AOPEP: variants seen among roughly 807,000 people sequenced by gnomAD.
AOPEP encodes the protein aminopeptidase O (putative), also known as aminopeptidase O.
AOPEP carries 77 observed loss-of-function variants against 98.1 expected under a neutral mutation model. The observed-to-expected ratio is 0.78, with a 90% CI of 0.65 to 0.95. The LOEUF (loss-of-function observed/expected upper bound fraction) is 0.95, where lower values mean the gene tolerates loss of function less well. AOPEP is among the 40% of genes least tolerant of loss of function. The probability of loss-of-function intolerance (pLI) is 0.00; values close to 1 mark genes in which losing one functional copy is unlikely to be tolerated. For missense variants in AOPEP, 1,024 were observed against 1,024.7 expected, an observed-to-expected ratio of 1.00 and a Z score of 0.01; for synonymous variants, 346 against 365.3, an observed-to-expected ratio of 0.95 and a Z score of 0.60.
chr9:94,740,436 G>T (rs1832802735), intron 1 of AOPEP, among the ~76,000 whole-genome samples: 1 of 152,168 alleles, frequency 6.6e-6, no homozygotes, highest in Non-Finnish European at 1.5e-5. Flanking sequence ...AAGGCTCCAA[G>T]ATGTCAAAAC....
At chr9:94,880,655 C>T (rs1445158516) in intron 5 of AOPEP, among the ~76,000 whole-genome samples, 1 of 152,140 alleles carries the variant, frequency 6.6e-6, no homozygotes, top group Non-Finnish European at 1.5e-5. Context: ...CGCACCTGGT[C>T]CCATTGTTTC....
intron 5 of AOPEP, among the ~76,000 whole-genome samples, chr9:94,906,950 C>G (rs139055827): frequency 2.0e-5 from 3 of 152,174 alleles, no homozygotes; most frequent in African/African-American, 7.2e-5. Context: ...CTGTTCCCCC[C>G]ATGTGTACAT....
chr9:94,891,853 T>C (rs2048917428), intron 5 of AOPEP, among the ~76,000 whole-genome samples: 1 of 152,240 alleles, frequency 6.6e-6, no homozygotes, highest in Admixed American at 6.5e-5. Context: ...TTATTTCCTT[T>C]TTGTTAAGAA....
At chr9:94,807,094 G>T (rs1473760065) in intron 5 of AOPEP, among the ~76,000 whole-genome samples, 1 of 152,110 alleles carries the variant, frequency 6.6e-6, no homozygotes, top group African/African-American at 2.4e-5. Context: ...TTCACTGTGG[G>T]CTGGCTTTGA....
At chr9:95,092,959 G>T in the AOPEP span, among the ~76,000 whole-genome samples, 7 of 152,324 alleles carry the variant, frequency 4.6e-5, no homozygotes, top group African/African-American at 1.7e-4. Flanking sequence ...TTCAGCTGCA[G>T]TTATGTTTAG....
At chr9:95,096,689 G>A in the AOPEP span, among the ~76,000 whole-genome samples, 1 of 152,138 alleles carries the variant, frequency 6.6e-6, no homozygotes, top group Non-Finnish European at 1.5e-5. Flanking sequence ...GGAGGAGGTC[G>A]GCCCATGAGG....
chr9:95,110,576 A>C, the AOPEP span: 1 of 1,034,574 alleles, frequency 9.7e-7, no homozygotes, highest in Non-Finnish European at 1.2e-6. Context: ...AACTTTTTAA[A>C]ATCTAAAACT....
chr9:95,112,160 C>T, the AOPEP span, among the ~76,000 whole-genome samples: 1 of 152,240 alleles, frequency 6.6e-6, no homozygotes, highest in African/African-American at 2.4e-5. Flanking sequence ...GCTATCCCCT[C>T]GCCACACTGG....
At chr9:94,786,196 A>G (rs1052258981) in intron 3 of AOPEP, among the ~76,000 whole-genome samples, 3 of 152,228 alleles carry the variant, frequency 2.0e-5, no homozygotes, top group Admixed American at 1.3e-4. Context: ...GCCAATTATT[A>G]TGCCTAGTGA....
chr9:94,956,407 C>A (rs1047910774), intron 9 of AOPEP, among the ~76,000 whole-genome samples: 1 of 152,194 alleles, frequency 6.6e-6, no homozygotes, highest in East Asian at 1.9e-4. Flanking sequence ...ACCCCTTTGC[C>A]CTTTCCATTG....
intron 5 of AOPEP, among the ~76,000 whole-genome samples, chr9:94,858,434 T>C (rs1218575024): frequency 2.0e-5 from 3 of 152,150 alleles, no homozygotes; most frequent in African/African-American, 7.2e-5. Context: ...AAGGCTGAAA[T>C]CAGTACGACC....
intron 11 of AOPEP, among the ~76,000 whole-genome samples, chr9:95,002,577 G>A (rs1365282560): frequency 1.3e-5 from 2 of 152,156 alleles, no homozygotes; most frequent in African/African-American, 4.8e-5. Context: ...ACAAATATGG[G>A]AACTCTGCTT....
At chr9:94,975,708 C>G (rs1334961571) in intron 10 of AOPEP, among the ~76,000 whole-genome samples, 1 of 152,216 alleles carries the variant, frequency 6.6e-6, no homozygotes, top group Non-Finnish European at 1.5e-5. Context: ...TCTGCAAGTT[C>G]TGGTGTGGTC....
At chr9:95,055,456 G>C (rs1442995564) in intron 13 of AOPEP, among the ~76,000 whole-genome samples, 1 of 152,182 alleles carries the variant, frequency 6.6e-6, no homozygotes, top group African/African-American at 2.4e-5. Flanking sequence ...AATTTATGCA[G>C]CGTATAGATT....
At chr9:95,068,415 C>G (rs1170884920) in intron 14 of AOPEP, among the ~76,000 whole-genome samples, 2 of 152,148 alleles carry the variant, frequency 1.3e-5, no homozygotes, top group African/African-American at 4.8e-5. Flanking sequence ...CACGTATTGA[C>G]TAATGGTGTT....
At position 95,080,585 on chromosome 9, in the gene AOPEP, C is replaced by T. The variant is rs926310091; in HGVS notation, c.2233-109C>T. The T allele has an allele frequency of 1.3e-5, 9 of 713,318 alleles. No individual in the cohort carries two copies. In the African/African-American group the frequency reaches 1.6e-4, roughly 13 times the overall value. The allele number at this position is 713,318 out of a possible 1,614,324, so 44.2% of individuals were successfully genotyped here. ...AACTAAGTGTGTCAACAATGCCAGC[C>T]CATTTGAGAGCACAGCTTTCCGGAA... On this transcript the variant is annotated intron_variant, in intron 14 of 16. Transcript: ENST00000375315.
In AOPEP at chr9:95,086,044, T is replaced by G. The variant is rs746151874; in HGVS notation, c.*5-638T>G. On this transcript the variant is annotated intron_variant, in intron 16 of 16. Coordinates refer to ENST00000375315, the MANE Select transcript of AOPEP (RefSeq NM_001193329.3). ...CCCTCCGGTGCCTACTGAGCTGATA[T>G]CAGTTCTCATTTTACACACTGGCTC... 2.2e-6 allele frequency: 3 copies of G among 1,367,510 alleles called. No individual in the cohort carries two copies. The African/African-American group carries it at 4.4e-5, about 20-fold the overall frequency. 84.7% of individuals were successfully genotyped at this position (1,367,510 alleles called of 1,614,324 possible).
At chr9:94,773,225 C>A in intron 3 of AOPEP, 57 bp downstream of exon 3, 1 of 1,433,276 alleles carries the variant, frequency 7.0e-7, no homozygotes. Context: ...GACCCAGGAA[C>A]CCAATAAACA....
intron 5 of AOPEP, among the ~76,000 whole-genome samples, chr9:94,832,862 G>C (rs1007360222): frequency 2.7e-5 from 4 of 148,270 alleles, no homozygotes; most frequent in African/African-American, 5.0e-5. Context: ...AGAAGAAAGC[G>C]GGGGAAAAGG....
Sources: allele counts gnomAD v4.1 joint callset (sites outside exome capture counted in the v4.1 genomes callset), GRCh38; gene constraint gnomAD v4.1.1; transcripts MANE v1.5; gene names NCBI Gene and HGNC (gene_info 2026-07-23, HGNC 2026-07-21).